Variants in KALRN observed in about 807,000 individuals in gnomAD.
KALRN encodes kalirin.
Under a neutral mutation model 353.7 loss-of-function variants are expected in KALRN, and 70 were observed. The ratio of observed to expected loss-of-function variants is 0.20; its 90% confidence interval spans 0.16 to 0.24. The LOEUF (loss-of-function observed/expected upper bound fraction) is 0.24. KALRN is among the 10% of genes least tolerant of loss of function. The pLI, the probability that KALRN is intolerant of heterozygous loss-of-function variation, is 1.00. For synonymous variants in KALRN, 1,391 were observed against 1,434.8 expected (o/e 0.97, Z 0.69); for missense variants, 2,791 against 3,756.7 (o/e 0.74, Z 6.72).
intron 1 of KALRN, among the ~76,000 whole-genome samples, chr3:124,215,289 G>A (rs2077224196): frequency 6.6e-6 from 1 of 152,192 alleles, no homozygotes; most frequent in African/African-American, 2.4e-5. Flanking sequence ...CCCAGATTGG[G>A]TAGCAGAGGG....
At chr3:124,259,931 G>C (rs1257985899) in intron 3 of KALRN, among the ~76,000 whole-genome samples, 1 of 152,108 alleles carries the variant, frequency 6.6e-6, no homozygotes. Context: ...ACTCCTTTGG[G>C]CTGACCCCAG....
At chr3:124,470,871 T>G (rs1036703978) in intron 25 of KALRN, among the ~76,000 whole-genome samples, 1 of 152,190 alleles carries the variant, frequency 6.6e-6, no homozygotes, top group South Asian at 2.1e-4. Flanking sequence ...AGGTTTATAG[T>G]GTAACTCAAC....
At chr3:124,689,846 C>T (rs1325461873) in intron 51 of KALRN, among the ~76,000 whole-genome samples, 1 of 152,118 alleles carries the variant, frequency 6.6e-6, no homozygotes, top group African/African-American at 2.4e-5. Context: ...GGGTTACTAC[C>T]TTCAAAAGGT....
intron 1 of KALRN, among the ~76,000 whole-genome samples, chr3:124,125,927 G>A (rs772483116): frequency 4.6e-5 from 7 of 152,116 alleles, no homozygotes; most frequent in African/African-American, 1.2e-4. Flanking sequence ...TAGAGGCTGC[G>A]TCTTGGTTTG....
At chr3:124,159,607 T>C (rs1257553615) in intron 1 of KALRN, among the ~76,000 whole-genome samples, 1 of 151,842 alleles carries the variant, frequency 6.6e-6, no homozygotes, top group East Asian at 1.9e-4. Context: ...TTCTATCTCT[T>C]TTAAAGTTAA....
At chr3:124,641,098 A>G (rs2081994922) in intron 37 of KALRN, among the ~76,000 whole-genome samples, 1 of 152,062 alleles carries the variant, frequency 6.6e-6, no homozygotes, top group African/African-American at 2.4e-5. Flanking sequence ...CTTTATGGTC[A>G]CTTGGTCATT....
At chr3:124,170,198 C>A (rs897891538) in intron 1 of KALRN, among the ~76,000 whole-genome samples, 3 of 152,220 alleles carry the variant, frequency 2.0e-5, no homozygotes, top group Non-Finnish European at 4.4e-5. Context: ...CCCCAAGGAA[C>A]CTTTAGCGCC....
intron 23 of KALRN, among the ~76,000 whole-genome samples, chr3:124,457,037 C>T (rs2059374745): frequency 1.3e-5 from 2 of 150,410 alleles, no homozygotes; most frequent in Non-Finnish European, 3.0e-5. Flanking sequence ...TTTTCTTCTC[C>T]TCCAAATTTT....
chr3:124,113,761 G>A (rs1272893976), intron 1 of KALRN, among the ~76,000 whole-genome samples: 2 of 152,232 alleles, frequency 1.3e-5, no homozygotes, highest in Admixed American at 6.5e-5. Context: ...GGTACATCCT[G>A]CCTCACTGGA....
intron 33 of KALRN, among the ~76,000 whole-genome samples, chr3:124,496,720 G>A (rs1194414031): frequency 2.0e-5 from 3 of 152,186 alleles, no homozygotes; most frequent in South Asian, 2.1e-4. Flanking sequence ...GCCCCACCTG[G>A]GCTTCTTGGG....
At chr3:124,164,038 T>C (rs1489360712) in intron 1 of KALRN, 1 of 940,514 alleles carries the variant, frequency 1.1e-6, no homozygotes, top group African/African-American at 1.8e-5. Flanking sequence ...CACTTAACTG[T>C]ACACAGTCAG....
chr3:124,044,831 TTCCCTCCCTCCCTCCC>T (rs1326617518), intron 1 of KALRN, among the ~76,000 whole-genome samples: 2 of 32,818 alleles, frequency 6.1e-5, no homozygotes, highest in African/African-American at 1.5e-4. Flanking sequence ...CCTTCCTTCC[TTCCCTCCCTCCCTCCC>T]TCCCTCCCTC....
intron 1 of KALRN, among the ~76,000 whole-genome samples, chr3:124,211,187 C>T (rs191013545): frequency 6.6e-6 from 1 of 152,298 alleles, no homozygotes; most frequent in East Asian, 1.9e-4. Context: ...GGACATCTAC[C>T]AGTCACAAGG....
At chr3:124,584,473 C>T (rs555142074) in intron 34 of KALRN, among the ~76,000 whole-genome samples, 118 of 152,354 alleles carry the variant, frequency 7.7e-4, no homozygotes, top group African/African-American at 2.8e-3. Flanking sequence ...GGAGTACCTA[C>T]CTGTTTGGTG....
At chr3:124,664,955 A>G (rs753766256) in intron 45 of KALRN, among the ~76,000 whole-genome samples, 1 of 152,180 alleles carries the variant, frequency 6.6e-6, no homozygotes, top group African/African-American at 2.4e-5. Context: ...GTGTAATATT[A>G]ATAGAGCTTT....
At chr3:124,253,640 G>T (rs147933824) in intron 3 of KALRN, among the ~76,000 whole-genome samples, 90 of 152,284 alleles carry the variant, frequency 5.9e-4, no homozygotes, top group African/African-American at 2.0e-3. Context: ...CCACTCCTCA[G>T]TGACCAGGCT....
rs35081439 is a variant in KALRN at position 124,579,003 on chromosome 3, G to C, written c.5182+15914G>C. 6.2e-3 allele frequency among the ~76,000 whole-genome samples: 943 copies of C among 152,242 alleles called. 9 individuals carry two copies. Among genetic ancestry groups the C allele is most frequent in the African/African-American group, 0.021 (883 of 41,530 alleles). On this transcript the variant is annotated intron_variant, in intron 34 of 59. Coordinates refer to ENST00000682506, the MANE Select transcript of KALRN (RefSeq NM_001388419.1). ...AGGCCTGAATTGGGGCATGGTTGCT[G>C]TTCCTTCTTTCTCTATCCTGAGCTT... is the stretch of plus-strand genomic sequence containing the variant.
At chr3:124,400,131 A>G (rs2090673066) in intron 13 of KALRN, among the ~76,000 whole-genome samples, 2 of 151,916 alleles carry the variant, frequency 1.3e-5, no homozygotes, top group Non-Finnish European at 2.9e-5. Context: ...CAGCTTTAGA[A>G]GGAATTTTTT....
chr3:124,196,674 CACTT>C (rs1382584848), intron 1 of KALRN, among the ~76,000 whole-genome samples: 1 of 152,156 alleles, frequency 6.6e-6, no homozygotes, highest in African/African-American at 2.4e-5. Flanking sequence ...AAAGCGTACA[CACTT>C]TATAACCTTT....
Sources: allele counts gnomAD v4.1 joint callset (sites outside exome capture counted in the v4.1 genomes callset), GRCh38; gene constraint gnomAD v4.1.1; transcripts MANE v1.5; gene names NCBI Gene and HGNC (gene_info 2026-07-23, HGNC 2026-07-21).